The following EHD2 variants were observed in gnomAD, a reference collection of about 807,000 sequenced individuals.
The protein encoded by EHD2 is EH domain containing 2, also known as EH domain-containing protein 2.
Under a neutral mutation model 41.0 loss-of-function variants are expected in EHD2, and 27 were observed. The observed-to-expected ratio is 0.66, with a 90% confidence interval of 0.49 to 0.91. EHD2 has a LOEUF of 0.91. Ranked by LOEUF, EHD2 falls within the 40% of genes least tolerant of loss-of-function variation. EHD2 has a pLI of 0.00. For synonymous variants in EHD2, 342 were observed against 341.0 expected (o/e 1.00, Z -0.03); for missense variants, 673 against 773.9 (o/e 0.87, Z 1.55).
chr19:47,742,695 T>A lies in EHD2; in HGVS notation c.*1263T>A, dbSNP rs1967004758. The A allele has an allele frequency of 6.5e-6, 1 of 152,864 alleles. No homozygotes were observed. The highest frequency in any genetic ancestry group is 2.4e-5 in the African/African-American group (1 of 41,472). The allele number at this position is 152,864 out of a possible 1,614,324, so 9.5% of individuals were successfully genotyped here. ...CCACCCACGTGTCTGTGGCTGGAACTGCCCAGCCTGCTCCTGGCCCCCTGG... is the reference window on the plus strand; with the variant it reads ...CCACCCACGTGTCTGTGGCTGGAACAGCCCAGCCTGCTCCTGGCCCCCTGG... On this transcript the variant is annotated 3_prime_UTR_variant, in exon 6 of 6. Transcript: ENST00000263277.
chr19:47,736,648 G>A (rs544360151), intron 5 of EHD2, 115 bp downstream of exon 5: 35 of 1,214,738 alleles, frequency 2.9e-5, no homozygotes, highest in South Asian at 3.5e-5. Context: ...TCTGGAAAGC[G>A]CCTCCCTCAA....
At position 47,741,225 on chromosome 19, in the gene EHD2, G is replaced by A; in HGVS notation, c.1425G>A (p.Trp475Ter). Residue 475 changes from tryptophan to a stop codon, truncating the protein, a stop_gained, in exon 6 of 6, where the codon TGG becomes TGA. Transcript: ENST00000263277. LOFTEE classifies it high-confidence loss of function. This position sits in a 1 kb window ranked among gnomAD's most constrained non-coding sequence, Gnocchi z 4.5. ...GKLSGSKAKT[W>*]MVGTKLPNSV... ...TGAGCGGCTCCAAGGCCAAGACCTG[G>A]ATGGTGGGGACCAAGCTCCCCAACT... is the stretch of plus-strand genomic sequence containing the variant. 1.9e-6 allele frequency: 3 copies of A among 1,614,154 alleles called. No homozygotes were observed. Among genetic ancestry groups the A allele is most frequent in the Non-Finnish European group, 2.5e-6 (3 of 1,180,016 alleles).
At chr19:47,725,357 C>T (rs1973739237) in intron 3 of EHD2, among the ~76,000 whole-genome samples, 1 of 144,722 alleles carries the variant, frequency 6.9e-6, no homozygotes, top group East Asian at 2.1e-4. Flanking sequence ...TGAGACTAGC[C>T]CGGCAGCCCG....
At chr19:47,731,271 A>ATATATATATATATAT (rs1973804912) in intron 4 of EHD2, 3 of 25,132 alleles carry the variant, frequency 1.2e-4, no homozygotes, top group African/African-American at 3.9e-4. Context: ...ATTCTTTAAA[A>ATATATATATATATAT]AAAAAAAAAT....
At chr19:47,721,583 G>A (rs1973697729) in intron 3 of EHD2, among the ~76,000 whole-genome samples, 1 of 151,818 alleles carries the variant, frequency 6.6e-6, no homozygotes, top group African/African-American at 2.4e-5. Context: ...CAAAGTGTTG[G>A]GATTACAGGC....
intron 3 of EHD2, among the ~76,000 whole-genome samples, chr19:47,718,950 G>A (rs1474246930): frequency 6.6e-6 from 1 of 151,752 alleles, no homozygotes. Flanking sequence ...GGACTCCTGG[G>A]TCTGAGGTAG....
In EHD2 at chr19:47,716,551, C is replaced by A. The variant is rs1403790262; in HGVS notation, c.-55-7C>A. Reference sequence around the variant, plus strand: ...GCCTATGCTCATGCCCTCTCCCCCTCCCACAGGCAGCTCTCCATCTGCACG... The same window carrying A: ...GCCTATGCTCATGCCCTCTCCCCCTACCACAGGCAGCTCTCCATCTGCACG... On this transcript the variant is annotated splice_polypyrimidine_tract_variant and splice_region_variant and intron_variant, in intron 1 of 5. Transcript: ENST00000263277. 1.4e-5 allele frequency: 20 copies of A among 1,443,012 alleles called. No homozygotes were observed. Among genetic ancestry groups the A allele is most frequent in the Non-Finnish European group, 1.7e-5 (19 of 1,100,004 alleles). 89.4% of individuals were successfully genotyped at this position (1,443,012 alleles called of 1,614,324 possible). A position where few individuals can be genotyped will look rare whatever the true frequency, so the allele number is the denominator to read the frequency against.
Position 47,741,080 on chromosome 19 carries a change from C to T in EHD2, c.1280C>T (p.Pro427Leu). 6.2e-7 allele frequency: 1 copy of T among 1,609,664 alleles called. No homozygotes were observed. The highest frequency in any genetic ancestry group is 2.2e-5 in the East Asian group (1 of 44,866). ...ATGGGCCCGTTTGTGGAGCGGGGAC[C>T]TGACGAGGCCATGGAGGACGGCGAG... ...THMGPFVERG[P>L]DEAMEDGEEG... Residue 427 changes from proline to leucine, a missense_variant, in exon 6 of 6, where the codon CCT (proline) becomes CTT (leucine). By Grantham distance (98) the Pro-to-Leu change is moderately conservative. Transcript: ENST00000263277. This position sits in a 1 kb window ranked among gnomAD's most constrained non-coding sequence, Gnocchi z 4.5.
At chr19:47,731,276 A>AT (rs1568591717) in intron 4 of EHD2, 117 of 40,270 alleles carry the variant, frequency 2.9e-3, no homozygotes, top group African/African-American at 8.0e-3. Context: ...TTAAAAAAAA[A>AT]AAAATATATA....
intron 3 of EHD2, among the ~76,000 whole-genome samples, chr19:47,724,806 G>A (rs184335956): frequency 2.2e-4 from 34 of 151,698 alleles, no homozygotes; most frequent in Non-Finnish European, 3.2e-4. Flanking sequence ...GTGAAACCCC[G>A]TCTCTACTAA....
intron 3 of EHD2, among the ~76,000 whole-genome samples, chr19:47,724,992 A>T (rs1293764210): frequency 1.4e-5 from 1 of 71,988 alleles, no homozygotes; most frequent in Non-Finnish European, 3.1e-5. Context: ...AAAAAAAAAA[A>T]AAAAAAAAAA....
In EHD2 at chr19:47,736,207, AAGAG is replaced by A. The variant is rs566288581; in HGVS notation, c.916-148_916-145del. Among the ~76,000 whole-genome samples, 216 of 152,048 alleles carry A rather than the reference AAGAG, an allele frequency of 1.4e-3. 1 individual carries two copies. The highest frequency in any genetic ancestry group is 4.1e-3 in the African/African-American group (169 of 41,498). Reference sequence around the variant, plus strand: ...CGAGACTCCGTCTCAAAGAAAAAAAAAGAGAGAGAGAGAGAGAAAAAGAAATAAA... The same window carrying A: ...CGAGACTCCGTCTCAAAGAAAAAAAAAGAGAGAGAGAGAAAAAGAAATAAA... On this transcript the variant is annotated intron_variant, in intron 4 of 5. Transcript: ENST00000263277.
Position 47,741,248 on chromosome 19 carries a change from A to C in EHD2, c.1448A>C (p.Asn483Thr), listed in dbSNP as rs1352222507. 55 of 1,614,020 alleles carry C rather than the reference A, an allele frequency of 3.4e-5. No homozygotes were observed. Among genetic ancestry groups the C allele is most frequent in the Non-Finnish European group, 4.4e-5 (52 of 1,179,996 alleles). ...TGGATGGTGGGGACCAAGCTCCCCA[A>C]CTCAGTGCTGGGGCGCATCTGGAAG... ...KTWMVGTKLP[N>T]SVLGRIWKLS... Residue 483 changes from asparagine (N) to threonine (T), a missense_variant, in exon 6 of 6, where the codon AAC becomes ACC. By Grantham distance (65) the Asn-to-Thr change is moderately conservative. Coordinates refer to ENST00000263277, the MANE Select transcript of EHD2 (RefSeq NM_014601.4). The surrounding 1 kb of genome is among the most constrained non-coding windows in gnomAD (Gnocchi z 4.5).
intron 3 of EHD2, among the ~76,000 whole-genome samples, chr19:47,721,160 TGG>T (rs772923398): frequency 0.12 from 13,212 of 108,858 alleles, 1,202 homozygotes; most frequent in African/African-American, 0.4. Context: ...GATGTGCTAC[TGG>T]GGGTGTGTGT....
chr19:47,717,068 CAG>C, intron 2 of EHD2, 52 bp downstream of exon 2: 3 of 1,595,444 alleles, frequency 1.9e-6, no homozygotes, highest in Non-Finnish European at 2.5e-6. Flanking sequence ...TTTGTTAAGA[CAG>C]AGTTTCCGCT....
chr19:47,716,601 T>G lies in EHD2; in HGVS notation c.-12T>G. ...GTCTCTCCGTGAACCCCGTGAGCGG[T>G]GTGCAGCCACCATGTTCAGCTGGCT... On this transcript the variant is annotated 5_prime_UTR_variant, in exon 2 of 6. Coordinates refer to ENST00000263277, the MANE Select transcript of EHD2 (RefSeq NM_014601.4). 2 of 1,504,028 alleles carry G rather than the reference T, an allele frequency of 1.3e-6. No individual in the cohort carries two copies. The highest frequency in any genetic ancestry group is 1.8e-6 in the Non-Finnish European group (2 of 1,128,208). The allele number at this position is 1,504,028 out of a possible 1,614,324, so 93.2% of individuals were successfully genotyped here.
intron 4 of EHD2, among the ~76,000 whole-genome samples, chr19:47,729,854 A>ACC (rs1304524927): frequency 6.7e-6 from 1 of 149,838 alleles, no homozygotes; most frequent in Admixed American, 6.7e-5. Context: ...TCTCCTTTCT[A>ACC]CCTCTCTCTC....
chr19:47,725,265 G>A (rs1184147931), intron 3 of EHD2, among the ~76,000 whole-genome samples: 1 of 151,840 alleles, frequency 6.6e-6, no homozygotes, highest in African/African-American at 2.4e-5. Context: ...AATGGAGGCC[G>A]TGAGGCTGGG....
chr19:47,720,637 G>T (rs1264243511), intron 3 of EHD2, among the ~76,000 whole-genome samples: 1 of 152,136 alleles, frequency 6.6e-6, no homozygotes, highest in African/African-American at 2.4e-5. Context: ...TGTGGATTTA[G>T]TGTGTATCAT....
Sources: allele counts gnomAD v4.1 joint callset (sites outside exome capture counted in the v4.1 genomes callset), GRCh38; gene constraint gnomAD v4.1.1; non-coding constraint Gnocchi (gnomAD v3.1); transcripts MANE v1.5; gene names NCBI Gene and HGNC (gene_info 2026-07-23, HGNC 2026-07-21).